Variants in TSC1 observed in about 807,000 individuals in gnomAD.
TSC1 encodes the protein hamartin.
In TSC1, 20 loss-of-function variants were observed where a neutral mutation model predicts 124.3. That is an observed-to-expected ratio of 0.16 (90% CI 0.11 to 0.23). The LOEUF (loss-of-function observed/expected upper bound fraction) is 0.23, where lower values mean the gene tolerates loss of function less well. Ranked by LOEUF, TSC1 falls within the 10% of genes least tolerant of loss-of-function variation. The pLI is 1.00. For synonymous variants in TSC1, 493 were observed against 539.1 expected, an observed-to-expected ratio of 0.91 and a Z score of 1.19; for missense variants, 1,124 against 1,448.5, an observed-to-expected ratio of 0.78 and a Z score of 3.64.
chr9:132,921,248 G>T lies in TSC1; in HGVS notation c.737+115C>A. 2.7e-6 allele frequency: 3 copies of T among 1,129,526 alleles called. No individual in the cohort carries two copies. Among genetic ancestry groups the T allele is most frequent in the South Asian group, 1.3e-5 (1 of 76,122 alleles). 70.0% of individuals were successfully genotyped at this position (1,129,526 alleles called of 1,614,324 possible). A position where few individuals can be genotyped will look rare whatever the true frequency, so the allele number is the denominator to read the frequency against. On this transcript the variant is annotated intron_variant, in intron 8 of 22. Coordinates refer to ENST00000298552, the MANE Select transcript of TSC1 (RefSeq NM_000368.5). The surrounding 1 kb of genome is among the most constrained non-coding windows in gnomAD (Gnocchi z 4.3). ...CTGTATGAGTGCTTCCAAGTGGACT[G>T]ATTCTGTAAGTAGAACATCTATATT... is the stretch of plus-strand genomic sequence containing the variant.
rs1417111404 is a variant in TSC1, at chr9:132,897,318, C to T, written c.2841G>A (p.Arg947=). The T allele has an allele frequency of 6.2e-7, 1 of 1,614,202 alleles. No individual in the cohort carries two copies. Residue 947 remains arginine, a synonymous_variant, in exon 22 of 23, where the codon AGG becomes AGA. Coordinates refer to ENST00000298552, the MANE Select transcript of TSC1 (RefSeq NM_000368.5). ...GGGTTATCCTTTTCTGAGCCTCATA[C>T]CTGCTCTCTGCGGCCTGCAGCTGTC... ...ARGQLQAAES[R]YEAQKRITQV... is the part of the protein sequence containing the mutation.
At position 132,897,331 on chromosome 9, in the gene TSC1, G is replaced by A. The variant is rs2131628362; in HGVS notation, c.2828C>T (p.Ala943Val). 6.2e-7 allele frequency: 1 copy of A among 1,614,118 alleles called. No homozygotes were observed. Among genetic ancestry groups the A allele is most frequent in the Non-Finnish European group, 8.5e-7 (1 of 1,180,032 alleles). The change falls in exon 22 of 23, where the codon GCC becomes GTC. Residue 943 changes from alanine to valine, a missense_variant. Around this residue, in one of 5 missense-constraint regions of TSC1, gnomAD observed 325 missense variants for 383.4 expected, o/e 0.85. Coordinates refer to ENST00000298552, the MANE Select transcript of TSC1 (RefSeq NM_000368.5). Reference sequence around the variant, plus strand: ...CTGAGCCTCATACCTGCTCTCTGCGGCCTGCAGCTGTCCTCTGAAAGATAC... The same window carrying A: ...CTGAGCCTCATACCTGCTCTCTGCGACCTGCAGCTGTCCTCTGAAAGATAC... ...VKLQARGQLQ[A>V]AESRYEAQKR...
At position 132,897,476 on chromosome 9, in the gene TSC1, G is replaced by T. The variant is rs1226490074; in HGVS notation, c.2760C>A (p.Asp920Glu). 6.2e-7 allele frequency: 1 copy of T among 1,614,106 alleles called. No individual in the cohort carries two copies. Among genetic ancestry groups the T allele is most frequent in the Non-Finnish European group, 8.5e-7 (1 of 1,180,024 alleles). Residue 920 changes from aspartate to glutamate, a missense_variant, in exon 21 of 23, where the codon GAC becomes GAA. This residue lies in a region of TSC1 where 325 missense variants were observed against 383.4 expected (regional missense o/e 0.85). Transcript: ENST00000298552. Reference sequence around the variant, plus strand: ...ATTTCTTCTGTTCCAAAAGAAGGTGGTCTTTCTTGGCCAGGTGAGATTCCA... The same window carrying T: ...ATTTCTTCTGTTCCAAAAGAAGGTGTTCTTTCTTGGCCAGGTGAGATTCCA... ...LELESHLAKK[D>E]HLLLEQKKYL...
Position 132,901,668 on chromosome 9 carries a change from G to A in TSC1, c.2423C>T (p.Ala808Val), listed in dbSNP as rs756514375. Residue 808 changes from alanine (A) to valine (V), a missense_variant, in exon 19 of 23, where the codon GCG becomes GTG. Ala to Val is a moderately conservative substitution (Grantham distance 64). Transcript: ENST00000298552. ...TKLEDCRNMI[A>V]ELRIELKKAN... ...CTTCTTCAGTTCTATCCGCAGCTCC[G>A]CAATCATGTTCCTGCAGTCCTCCAG... The A allele has an allele frequency of 2.4e-5, 38 of 1,613,892 alleles. No individual in the cohort carries two copies. Among genetic ancestry groups the A allele is most frequent in the African/African-American group, 2.3e-4 (17 of 74,878 alleles).
In TSC1 at chr9:132,897,228, T is replaced by A; in HGVS notation, c.2931A>T (p.Lys977Asn). 1 of 1,614,192 alleles carries A rather than the reference T, an allele frequency of 6.2e-7. No individual in the cohort carries two copies. The highest frequency in any genetic ancestry group is 8.5e-7 in the Non-Finnish European group (1 of 1,180,032). The change falls in exon 22 of 23, where the codon AAA becomes AAT. Residue 977 changes from lysine (K) to asparagine (N), a missense_variant. This residue lies in a region of TSC1 where 325 missense variants were observed against 383.4 expected (regional missense o/e 0.85). Transcript: ENST00000298552. ...GRLEKDGLLK[K>N]LEEEKAEAAE... Reference sequence around the variant, plus strand: ...CTGCTTCTGCTTTTTCTTCTTCAAGTTTTTTCAGGAGGCCATCTTTCTCCA... The same window carrying A: ...CTGCTTCTGCTTTTTCTTCTTCAAGATTTTTCAGGAGGCCATCTTTCTCCA...
intron 2 of TSC1, among the ~76,000 whole-genome samples, chr9:132,929,850 A>T (rs1393735548): frequency 6.6e-6 from 1 of 152,182 alleles, no homozygotes; most frequent in Non-Finnish European, 1.5e-5. Flanking sequence ...GTTCTGGGTC[A>T]CAAAGCTAGC....
chr9:132,901,871 C>T (rs1364201875), intron 18 of TSC1, 172 bp from the exon 19 acceptor site: 1 of 617,838 alleles, frequency 1.6e-6, no homozygotes, highest in East Asian at 2.7e-5. Flanking sequence ...TGGTTGATTT[C>T]TGAGTTCCTT....
At chr9:132,929,661 G>A (rs184404239) in intron 2 of TSC1, among the ~76,000 whole-genome samples, 16 of 152,228 alleles carry the variant, frequency 1.1e-4, no homozygotes, top group South Asian at 6.2e-4. Context: ...ACACATTTAC[G>A]ATTTCTCCCC....
At chr9:132,910,543 G>A (rs375171154) in intron 12 of TSC1, 28 bp downstream of exon 12, 13 of 1,613,840 alleles carry the variant, frequency 8.1e-6, no homozygotes, top group Non-Finnish European at 1.1e-5. Flanking sequence ...TGCCTGGGCA[G>A]AGGGATAGCA....
chr9:132,930,302 G>A (rs1364217128), intron 2 of TSC1, among the ~76,000 whole-genome samples: 1 of 152,010 alleles, frequency 6.6e-6, no homozygotes, highest in Non-Finnish European at 1.5e-5. Flanking sequence ...GGATGTAGTG[G>A]CTGAGGCCAG....
chr9:132,895,872 G>C lies in TSC1; in HGVS notation c.*363C>G, dbSNP rs1188905279. 1.1e-5 allele frequency: 4 copies of C among 353,794 alleles called. No individual in the cohort carries two copies. Among genetic ancestry groups the C allele is most frequent in the Non-Finnish European group, 2.1e-5 (4 of 190,588 alleles). 21.9% of individuals were successfully genotyped at this position (353,794 alleles called of 1,614,324 possible). ...TATCTGAACTTCGGGAAAGCAGAAA[G>C]TGGTGTGTTAGACTCAAAGATTAAA... On this transcript the variant is annotated 3_prime_UTR_variant, in exon 23 of 23. Transcript: ENST00000298552.
In TSC1 at chr9:132,893,636, C is replaced by G. The variant is rs1308404761; in HGVS notation, c.*2599G>C. 2 of 233,016 alleles carry G rather than the reference C, an allele frequency of 8.6e-6. No individual in the cohort carries two copies. Among genetic ancestry groups the G allele is most frequent in the Non-Finnish European group, 8.5e-6 (1 of 117,984 alleles). The allele number at this position is 233,016 out of a possible 1,614,324, so 14.4% of individuals were successfully genotyped here. The stretch of plus-strand genomic sequence containing the variant: ...CTCTGGTTAGTGTCAGGTGGGGATC[C>G]GAGTAGGTTATGCACATTGGCCAAA... On this transcript the variant is annotated 3_prime_UTR_variant, in exon 23 of 23. Coordinates refer to ENST00000298552, the MANE Select transcript of TSC1 (RefSeq NM_000368.5).
rs1042918002 is a variant in TSC1 at position 132,893,423 on chromosome 9, C to T, written c.*2812G>A. 2.6e-5 allele frequency: 6 copies of T among 233,100 alleles called. No individual in the cohort carries two copies. The highest frequency in any genetic ancestry group is 4.4e-5 in the African/African-American group (2 of 45,324). 14.4% of individuals were successfully genotyped at this position (233,100 alleles called of 1,614,324 possible). A position where few individuals can be genotyped will look rare whatever the true frequency, so the allele number is the denominator to read the frequency against. Reference sequence around the variant, plus strand: ...AGACTGTATAGCAGAGCCTTGTCAACGGCTTTTTGAAAATCCATCAAAGTT... The same window carrying T: ...AGACTGTATAGCAGAGCCTTGTCAATGGCTTTTTGAAAATCCATCAAAGTT... On this transcript the variant is annotated 3_prime_UTR_variant, in exon 23 of 23. Transcript: ENST00000298552.
chr9:132,910,136 C>CAAA (rs74489004), intron 12 of TSC1: 90 of 202,140 alleles, frequency 4.5e-4, no homozygotes, highest in Admixed American at 1.9e-3. Flanking sequence ...TCATCTCCAC[C>CAAA]AAAAAAAAAA....
chr9:132,933,528 C>T (rs542008194), intron 2 of TSC1, among the ~76,000 whole-genome samples: 1 of 152,220 alleles, frequency 6.6e-6, no homozygotes, highest in Admixed American at 6.5e-5. Context: ...TTGAGGCTTG[C>T]CAAGCTATGA....
In TSC1 at chr9:132,906,739, T is replaced by G. The variant is rs1554816213; in HGVS notation, c.1430A>C (p.Lys477Thr). The change falls in exon 14 of 23, where the codon AAA (lysine) becomes ACA (threonine). Residue 477 changes from lysine (K) to threonine (T), a missense_variant. This residue lies in a region of TSC1 where 463 missense variants were observed against 606.8 expected (regional missense o/e 0.76). Coordinates refer to ENST00000298552, the MANE Select transcript of TSC1 (RefSeq NM_000368.5). The surrounding 1 kb of genome is among the most constrained non-coding windows in gnomAD (Gnocchi z 4.1). ...AATCCCACATACATTACCTTCTTCT[T>G]TATCTTTTTCAATACTATCTTCTTC... ...ASEEDSIEKD[K>T]EEAAISRELS... 5 of 1,613,658 alleles carry G rather than the reference T, an allele frequency of 3.1e-6. No individual in the cohort carries two copies. The highest frequency in any genetic ancestry group is 3.4e-6 in the Non-Finnish European group (4 of 1,179,732).
rs1253697060 is a variant in TSC1, at chr9:132,901,615, G to A, written c.2476C>T (p.Leu826=). 6.2e-7 allele frequency: 1 copy of A among 1,614,108 alleles called. No individual in the cohort carries two copies. Among genetic ancestry groups the A allele is most frequent in the South Asian group, 1.1e-5 (1 of 91,080 alleles). The change falls in exon 19 of 23, where the codon CTG becomes TTG. Residue 826 remains leucine, a synonymous_variant. Coordinates refer to ENST00000298552, the MANE Select transcript of TSC1 (RefSeq NM_000368.5). ...KANNKVCHTE[L]LLSQVSQKLS... ...TTTTGGGAAACCTGACTGAGCAGCA[G>A]CTCAGTGTGACACACCTTGTTGTTG...
chr9:132,923,749 C>G lies in TSC1; in HGVS notation c.364-257G>C. ...CACCTATGCAAAGGCATCCGGGAGA[C>G]GAGTTCAAACTTGACTTGGGGACAC... On this transcript the variant is annotated intron_variant, in intron 5 of 22. Transcript: ENST00000298552. This position sits in a 1 kb window ranked among gnomAD's most constrained non-coding sequence, Gnocchi z 4.2. 2 of 473,908 alleles carry G rather than the reference C, an allele frequency of 4.2e-6. No individual in the cohort carries two copies. The highest frequency in any genetic ancestry group is 4.5e-5 in the South Asian group (2 of 44,224). The allele number at this position is 473,908 out of a possible 1,614,324, so 29.4% of individuals were successfully genotyped here. A position where few individuals can be genotyped will look rare whatever the true frequency, so the allele number is the denominator to read the frequency against.
Position 132,921,551 on chromosome 9 carries a change from G to T in TSC1, c.664-115C>A. On this transcript the variant is annotated intron_variant, in intron 7 of 22. Transcript: ENST00000298552. This position sits in a 1 kb window ranked among gnomAD's most constrained non-coding sequence, Gnocchi z 4.3. ...AAGTACTGATACATGTTATAACACA[G>T]ATGGAACCTTGAGAACATTATACTG... 1 of 1,253,748 alleles carries T rather than the reference G, an allele frequency of 8.0e-7. No individual in the cohort carries two copies. Among genetic ancestry groups the T allele is most frequent in the Non-Finnish European group, 1.2e-6 (1 of 866,492 alleles). The allele number at this position is 1,253,748 out of a possible 1,614,324, so 77.7% of individuals were successfully genotyped here.
Sources: gnomAD v4.1 joint callset for allele counts (sites outside exome capture counted in the v4.1 genomes callset) on GRCh38, gnomAD v4.1.1 for gene constraint, gnomAD v4.1.1 regional missense constraint, Gnocchi (gnomAD v3.1) non-coding constraint, MANE v1.5 for transcripts, NCBI Gene and HGNC (gene_info 2026-07-23, HGNC 2026-07-21) for gene names.